TSPAN31: variants seen among roughly 807,000 people sequenced by gnomAD.
TSPAN31 encodes the protein tetraspanin-31.
A neutral mutation model predicts 24.8 loss-of-function variants in TSPAN31; 16 were observed. The ratio of observed to expected loss-of-function variants is 0.64; its 90% CI spans 0.44 to 0.98. The LOEUF (loss-of-function observed/expected upper bound fraction) is 0.98. Ranked by LOEUF, TSPAN31 falls within the 50% of genes least tolerant of loss-of-function variation. The pLI is 0.00. For synonymous variants in TSPAN31, 87 were observed against 91.4 expected, an observed-to-expected ratio of 0.95 and a Z score of 0.27; for missense variants, 209 against 251.6, an observed-to-expected ratio of 0.83 and a Z score of 1.15.
Position 57,749,659 on chromosome 12 carries a change from G to A in TSPAN31, c.*2369G>A, listed in dbSNP as rs1248513097. On this transcript the variant is annotated 3_prime_UTR_variant, in exon 6 of 6. Transcript: ENST00000257910. Reference sequence around the variant, plus strand: ...AGGTGAGAGGACTGCTTGAGCCCAGGAGTTCTAGATCAGCCTGGGCAAGCA... The same window carrying A: ...AGGTGAGAGGACTGCTTGAGCCCAGAAGTTCTAGATCAGCCTGGGCAAGCA... The A allele has an allele frequency of 5.3e-6, 4 of 748,992 alleles. No individual in the cohort carries two copies. The highest frequency in any genetic ancestry group is 9.5e-6 in the Non-Finnish European group (4 of 420,732). The allele number at this position is 748,992 out of a possible 1,614,324, so 46.4% of individuals were successfully genotyped here.
In TSPAN31 at chr12:57,746,211, A is replaced by G. The variant is rs753560337; in HGVS notation, c.267A>G (p.Gln89=). The change falls in exon 3 of 6, where the codon CAA becomes CAG. Residue 89 remains glutamine (Q), a synonymous_variant. Transcript: ENST00000257910. ...MIILGLVFIF[Q]FVISCSCLAI... ...TCCTTGGTTTGGTCTTCATCTTCCA[A>G]TTTGTAATCTCTTGCTCATGTCTGG... 1.9e-6 allele frequency: 3 copies of G among 1,614,136 alleles called. No homozygotes were observed. The highest frequency in any genetic ancestry group is 1.3e-5 in the African/African-American group (1 of 75,030).
chr12:57,746,894 G>A, intron 4 of TSPAN31, 124 bp from the exon 5 acceptor site: 1 of 1,345,470 alleles, frequency 7.4e-7, no homozygotes, highest in South Asian at 1.3e-5. Context: ...AATTAGCCAA[G>A]TAGGATTTTA....
chr12:57,746,460 T>G, intron 3 of TSPAN31, 129 bp from the exon 4 acceptor site: 2 of 1,265,416 alleles, frequency 1.6e-6, no homozygotes, highest in Non-Finnish European at 2.3e-6. Flanking sequence ...TAGATATTTA[T>G]CGTGTCTATA....
Position 57,747,714 on chromosome 12 carries a change from TA to T in TSPAN31, c.*425del, listed in dbSNP as rs777942779. On this transcript the variant is annotated 3_prime_UTR_variant, in exon 6 of 6. Coordinates refer to ENST00000257910, the MANE Select transcript of TSPAN31 (RefSeq NM_005981.5). ...ATCCAGTTTGAGAAAGTTTAGCGAA[TA>T]TAAAAGTAAAAGCCATTTAAAAATC... is the stretch of plus-strand genomic sequence containing the variant. 2 of 163,096 alleles carry T rather than the reference TA, an allele frequency of 1.2e-5. No homozygotes were observed. Among genetic ancestry groups the T allele is most frequent in the Non-Finnish European group, 2.7e-5 (2 of 75,168 alleles). The allele number at this position is 163,096 out of a possible 1,614,324, so 10.1% of individuals were successfully genotyped here.
intron 3 of TSPAN31, 122 bp downstream of exon 3, chr12:57,746,378 T>C (rs756482008): frequency 8.6e-7 from 1 of 1,163,146 alleles, no homozygotes; most frequent in Non-Finnish European, 1.3e-6. Flanking sequence ...GCTTCTGGCC[T>C]CTTGGGCTAT....
rs1015780082 is a variant in TSPAN31 at position 57,749,975 on chromosome 12, G to A, written c.*2685G>A. On this transcript the variant is annotated 3_prime_UTR_variant, in exon 6 of 6. Coordinates refer to ENST00000257910, the MANE Select transcript of TSPAN31 (RefSeq NM_005981.5). ...TCGCACTACTGCACTCCAGCCTGGC[G>A]ACAGAGCAAGACTCCATCTAAAAAA... 8.3e-5 allele frequency: 14 copies of A among 169,654 alleles called. No individual in the cohort carries two copies. The highest frequency in any genetic ancestry group is 1.7e-4 in the African/African-American group (7 of 40,898). 10.5% of individuals were successfully genotyped at this position (169,654 alleles called of 1,614,324 possible). A position where few individuals can be genotyped will look rare whatever the true frequency, so the allele number is the denominator to read the frequency against.
At position 57,745,082 on chromosome 12, in the gene TSPAN31, G is replaced by A; in HGVS notation, c.-73G>A. ...CGATTTAAAGAGACAGAAGCTGTCG[G>A]GGTCCTGGAAGACGGTCCCCAATAC... On this transcript the variant is annotated 5_prime_UTR_variant, in exon 1 of 6. Transcript: ENST00000257910. The A allele has an allele frequency of 4.3e-6, 6 of 1,399,138 alleles. No homozygotes were observed. The highest frequency in any genetic ancestry group is 6.0e-6 in the Non-Finnish European group (6 of 1,007,846). 86.7% of individuals were successfully genotyped at this position (1,399,138 alleles called of 1,614,324 possible).
Position 57,748,795 on chromosome 12 carries a change from T to C in TSPAN31, c.*1505T>C. The C allele has an allele frequency of 1.7e-6, 1 of 591,808 alleles. No individual in the cohort carries two copies. The highest frequency in any genetic ancestry group is 3.0e-6 in the Non-Finnish European group (1 of 331,522). The allele number at this position is 591,808 out of a possible 1,614,324, so 36.7% of individuals were successfully genotyped here. ...ATCTCAGCTCACTGCAACCTCCGCC[T>C]CCTGAGTTGAAGTGATTCTCCTATC... On this transcript the variant is annotated 3_prime_UTR_variant, in exon 6 of 6. Transcript: ENST00000257910.
At position 57,745,118 on chromosome 12, in the gene TSPAN31, A is replaced by G; in HGVS notation, c.-37A>G. 6.4e-7 allele frequency: 1 copy of G among 1,571,258 alleles called. No homozygotes were observed. Among genetic ancestry groups the G allele is most frequent in the Non-Finnish European group, 8.7e-7 (1 of 1,155,752 alleles). ...GACGGTCCCCAATACCCTCCCCCCA[A>G]GTCCTTGGGACCACTTGGGTCCCCA... is the stretch of plus-strand genomic sequence containing the variant. On this transcript the variant is annotated 5_prime_UTR_variant, in exon 1 of 6. Coordinates refer to ENST00000257910, the MANE Select transcript of TSPAN31 (RefSeq NM_005981.5).
At chr12:57,745,294 G>T (rs1279799518) in intron 1 of TSPAN31, 77 bp downstream of exon 1, 1 of 1,506,298 alleles carries the variant, frequency 6.6e-7, no homozygotes, top group Non-Finnish European at 9.1e-7. Context: ...TTCCGGTGGG[G>T]AGAGGGGTGT....
At chr12:57,746,130 A>G in intron 2 of TSPAN31, 46 bp from the exon 3 acceptor site, 1 of 1,551,382 alleles carries the variant, frequency 6.4e-7, no homozygotes, top group Admixed American at 1.7e-5. Context: ...ATTATAGATG[A>G]AACATAAAGG....
Position 57,749,552 on chromosome 12 carries a change from T to G in TSPAN31, c.*2262T>G. ...GTAGCAGTCATTTTCAAAGATATCT[T>G]AGTTGAATGGTTACTGCTTAGTGGC... On this transcript the variant is annotated 3_prime_UTR_variant, in exon 6 of 6. Transcript: ENST00000257910. 1.9e-6 allele frequency: 3 copies of G among 1,543,170 alleles called. No homozygotes were observed. Among genetic ancestry groups the G allele is most frequent in the Non-Finnish European group, 2.7e-6 (3 of 1,115,716 alleles).
In TSPAN31 at chr12:57,747,803, C is replaced by T; in HGVS notation, c.*513C>T. 24 of 166,050 alleles carry T rather than the reference C, an allele frequency of 1.4e-4. No homozygotes were observed. Among genetic ancestry groups the T allele is most frequent in the South Asian group, 3.8e-4 (2 of 5,202 alleles). 10.3% of individuals were successfully genotyped at this position (166,050 alleles called of 1,614,324 possible). A position where few individuals can be genotyped will look rare whatever the true frequency, so the allele number is the denominator to read the frequency against. ...TGTTGCCCAGGCTGGAGTGCAATGG[C>T]ATGATCTCGGCTCACCGCAACCTCT... On this transcript the variant is annotated 3_prime_UTR_variant, in exon 6 of 6. Transcript: ENST00000257910.
Position 57,748,082 on chromosome 12 carries a change from A to C in TSPAN31, c.*792A>C, listed in dbSNP as rs1955180063. The C allele has an allele frequency of 7.3e-6, 2 of 272,942 alleles. No homozygotes were observed. Among genetic ancestry groups the C allele is most frequent in the African/African-American group, 2.2e-5 (1 of 45,748 alleles). The allele number at this position is 272,942 out of a possible 1,614,324, so 16.9% of individuals were successfully genotyped here. A position where few individuals can be genotyped will look rare whatever the true frequency, so the allele number is the denominator to read the frequency against. On this transcript the variant is annotated 3_prime_UTR_variant, in exon 6 of 6. Transcript: ENST00000257910. ...AAGAAGCAATTTCAGTTCCTTTCTA[A>C]GCTTTGTCAGTCAAGGGGCTCCACT...
Position 57,748,946 on chromosome 12 carries a change from TACGC to T in TSPAN31, c.*1657_*1660del. The T allele has an allele frequency of 1.7e-6, 1 of 593,404 alleles. No individual in the cohort carries two copies. Among genetic ancestry groups the T allele is most frequent in the Non-Finnish European group, 3.0e-6 (1 of 335,072 alleles). 36.8% of individuals were successfully genotyped at this position (593,404 alleles called of 1,614,324 possible). ...GTCTCGAACTCCTGACCTCAGGTGATACGCCCACCTTGGCCTCCCAAAGTGCTGG... is the reference window on the plus strand; with the variant it reads ...GTCTCGAACTCCTGACCTCAGGTGATCCACCTTGGCCTCCCAAAGTGCTGG... On this transcript the variant is annotated 3_prime_UTR_variant, in exon 6 of 6. Transcript: ENST00000257910.
chr12:57,748,623 G>C lies in TSPAN31; in HGVS notation c.*1333G>C, dbSNP rs754966040. 1 of 1,606,932 alleles carries C rather than the reference G, an allele frequency of 6.2e-7. No homozygotes were observed. Among genetic ancestry groups the C allele is most frequent in the Non-Finnish European group, 8.5e-7 (1 of 1,173,452 alleles). ...GGGTTAAAAGTCAGCATTTCCTGAG[G>C]GGAGAGGCAAAGGTCAGAAAACCAT... is the stretch of plus-strand genomic sequence containing the variant. On this transcript the variant is annotated 3_prime_UTR_variant, in exon 6 of 6. Coordinates refer to ENST00000257910, the MANE Select transcript of TSPAN31 (RefSeq NM_005981.5).
intron 1 of TSPAN31, 168 bp downstream of exon 1, chr12:57,745,385 C>T (rs1955134720): frequency 3.2e-6 from 2 of 625,898 alleles, no homozygotes; most frequent in South Asian, 2.4e-5. Flanking sequence ...AGGAGACTTC[C>T]GGTTGATTAA....
At chr12:57,746,110 CCAGA>C (rs1302841290) in intron 2 of TSPAN31, 62 bp from the exon 3 acceptor site, 16 of 1,493,642 alleles carry the variant, frequency 1.1e-5, no homozygotes, top group Middle Eastern at 1.7e-4. Flanking sequence ...ACAGATGAGA[CCAGA>C]CAGTTATTAT....
In TSPAN31 at chr12:57,745,209, G is replaced by A; in HGVS notation, c.55G>A (p.Val19Ile). 1 of 1,609,900 alleles carries A rather than the reference G, an allele frequency of 6.2e-7. No individual in the cohort carries two copies. The highest frequency in any genetic ancestry group is 8.5e-7 in the Non-Finnish European group (1 of 1,178,082). The change falls in exon 1 of 6, where the codon GTC becomes ATC. Residue 19 changes from valine (V) to isoleucine (I), a missense_variant. Val to Ile is a conservative substitution (Grantham distance 29). Coordinates refer to ENST00000257910, the MANE Select transcript of TSPAN31 (RefSeq NM_005981.5). ...GAATGCGCTTTGCGCTCTCAACGTG[G>A]TCTACATGGTGAGGTTTTGGAGGTG... ...SKNALCALNV[V>I]YMLVSLLLIG...
Sources: allele counts gnomAD v4.1 joint callset, GRCh38; gene constraint gnomAD v4.1.1; transcripts MANE v1.5; gene names NCBI Gene and HGNC (gene_info 2026-07-23, HGNC 2026-07-21).